The following PDGFD variants were observed in gnomAD, a reference collection of about 807,000 sequenced individuals.
PDGFD encodes platelet-derived growth factor D.
In PDGFD, 30 loss-of-function variants were observed where a neutral mutation model predicts 44.7. That is an observed-to-expected ratio of 0.67 (90% CI 0.50 to 0.91). PDGFD has a LOEUF of 0.91. PDGFD is among the 40% of genes least tolerant of loss of function. The pLI is 0.00. For synonymous variants in PDGFD, 173 were observed against 168.4 expected (o/e 1.03, Z -0.21); for missense variants, 445 against 457.8 (o/e 0.97, Z 0.25).
chr11:104,097,724 T>C (rs756255802), intron 1 of PDGFD, among the ~76,000 whole-genome samples: 1 of 152,224 alleles, frequency 6.6e-6, no homozygotes, highest in Non-Finnish European at 1.5e-5. Flanking sequence ...ATGAAGAAGA[T>C]GCAGCTGTTA....
rs1316090807 is a variant in PDGFD, at chr11:104,009,428, G to GTATTATTAT, written c.125-9174_125-9173insATAATAATA. 5.0e-5 allele frequency among the ~76,000 whole-genome samples: 6 copies of GTATTATTAT among 120,132 alleles called. No homozygotes were observed. In the South Asian group the frequency reaches 1.3e-3, roughly 26 times the overall value. 78.8% of individuals were successfully genotyped at this position (120,132 alleles called of 152,430 possible). Reference sequence around the variant, plus strand: ...AAAATCAGTCCTGTGTCTTGCAAATGCATTATTATTATTATTATTATTATT... The same window carrying GTATTATTAT: ...AAAATCAGTCCTGTGTCTTGCAAATGTATTATTATCATTATTATTATTATTATTATTATT... On this transcript the variant is annotated intron_variant, in intron 1 of 6. Transcript: ENST00000393158.
intron 1 of PDGFD, among the ~76,000 whole-genome samples, chr11:104,054,906 C>T (rs768713872): frequency 9.2e-5 from 14 of 152,094 alleles, no homozygotes; most frequent in Admixed American, 6.5e-4. Context: ...CAGCCTCAGG[C>T]GGAGCAATTA....
Position 103,926,939 on chromosome 11 carries a change from T to C in PDGFD, c.960A>G (p.Ser320=). 6.2e-7 allele frequency: 1 copy of C among 1,614,140 alleles called. No individual in the cohort carries two copies. The highest frequency in any genetic ancestry group is 1.3e-5 in the African/African-American group (1 of 75,066). Residue 320 remains serine (S), a synonymous_variant, in exon 6 of 7, where the codon TCA becomes TCG. Transcript: ENST00000393158. ...TVNWRSCTCN[S]GKTVKKYHEV... is the part of the protein sequence containing the mutation. ...CATGATACTTTTTCACGGTTTTCCC[T>C]GAATTGCATGTGCAGGACCTCCAGT...
At chr11:103,915,929 A>T (rs901530790) in intron 6 of PDGFD, among the ~76,000 whole-genome samples, 2 of 152,254 alleles carry the variant, frequency 1.3e-5, no homozygotes, top group African/African-American at 4.8e-5. Flanking sequence ...TACACCTTAT[A>T]CAAAAGTTAA....
At chr11:104,000,863 T>C (rs1859609752) in intron 1 of PDGFD, among the ~76,000 whole-genome samples, 1 of 152,224 alleles carries the variant, frequency 6.6e-6, no homozygotes, top group African/African-American at 2.4e-5. Context: ...CTCTATGCTG[T>C]TAGCCAGATA....
chr11:103,935,663 T>C (rs1858477666), intron 5 of PDGFD, among the ~76,000 whole-genome samples: 1 of 152,216 alleles, frequency 6.6e-6, no homozygotes, highest in Admixed American at 6.6e-5. Context: ...CTGATGGTTA[T>C]CTTAGAGCCT....
At position 104,125,391 on chromosome 11, in the gene PDGFD, T is replaced by TA. The variant is rs1386442626; in HGVS notation, c.124+38412dup. Among the ~76,000 whole-genome samples the TA allele has an allele frequency of 2.6e-5, 4 of 152,040 alleles. No homozygotes were observed. In the South Asian group the frequency reaches 6.2e-4, roughly 24 times the overall value. ...ATACATATAAAGGGCTTCAAATAAT[T>TA]AAAAAAAGGACTCATGCACCTTTTT... On this transcript the variant is annotated intron_variant, in intron 1 of 6. Coordinates refer to ENST00000393158, the MANE Select transcript of PDGFD (RefSeq NM_025208.5).
At chr11:104,157,601 A>C (rs925386459) in intron 1 of PDGFD, among the ~76,000 whole-genome samples, 1 of 152,190 alleles carries the variant, frequency 6.6e-6, no homozygotes, top group Non-Finnish European at 1.5e-5. Context: ...ACTTGTCCAG[A>C]ATCAAGGCAG....
At chr11:104,032,928 C>A (rs928659503) in intron 1 of PDGFD, among the ~76,000 whole-genome samples, 1 of 151,850 alleles carries the variant, frequency 6.6e-6, no homozygotes, top group African/African-American at 2.4e-5. Flanking sequence ...CAAAGAATTC[C>A]TCAAGAAAAG....
chr11:104,032,205 GAATA>G (rs201214631), intron 1 of PDGFD, among the ~76,000 whole-genome samples: 35 of 151,674 alleles, frequency 2.3e-4, no homozygotes, highest in Admixed American at 2.0e-4. Flanking sequence ...CAAAAATAAT[GAATA>G]AATAAATAAA....
chr11:103,954,609 G>C (rs143802384), intron 3 of PDGFD, among the ~76,000 whole-genome samples: 2 of 152,208 alleles, frequency 1.3e-5, no homozygotes, highest in African/African-American at 4.8e-5. Context: ...AACTTACTAA[G>C]GATGACTTAT....
chr11:103,951,314 C>T (rs1858753122), intron 3 of PDGFD, among the ~76,000 whole-genome samples: 1 of 152,152 alleles, frequency 6.6e-6, no homozygotes, highest in African/African-American at 2.4e-5. Flanking sequence ...GAGGATTCAC[C>T]TGCTAAATCC....
chr11:104,061,695 G>A (rs184594667), intron 1 of PDGFD, among the ~76,000 whole-genome samples: 62 of 152,120 alleles, frequency 4.1e-4, no homozygotes, highest in Admixed American at 6.5e-4. Flanking sequence ...CTGCAACCTC[G>A]GCCTCCTAGG....
chr11:103,969,734 C>A (rs1017175178), intron 3 of PDGFD, among the ~76,000 whole-genome samples: 2 of 151,696 alleles, frequency 1.3e-5, no homozygotes, highest in Admixed American at 6.6e-5. Flanking sequence ...ATTCACTACC[C>A]ATATTTGGCT....
chr11:103,993,192 G>C (rs974099439), intron 3 of PDGFD, among the ~76,000 whole-genome samples: 2 of 152,088 alleles, frequency 1.3e-5, no homozygotes, highest in Admixed American at 6.6e-5. Context: ...TTCAGCCTCT[G>C]GAGTAGGTGA....
chr11:103,938,148 G>T (rs1314226663), intron 5 of PDGFD, among the ~76,000 whole-genome samples: 1 of 151,856 alleles, frequency 6.6e-6, no homozygotes, highest in African/African-American at 2.4e-5. Flanking sequence ...CACAATGGTT[G>T]AACTAGTTCA....
chr11:104,039,695 AG>A (rs1228364855), intron 1 of PDGFD, among the ~76,000 whole-genome samples: 1 of 152,120 alleles, frequency 6.6e-6, no homozygotes, highest in African/African-American at 2.4e-5. Flanking sequence ...TAACAAAAAA[AG>A]ACATTCAGAG....
At chr11:104,062,456 T>C (rs1490281180) in intron 1 of PDGFD, among the ~76,000 whole-genome samples, 1 of 152,372 alleles carries the variant, frequency 6.6e-6, no homozygotes, top group Non-Finnish European at 1.5e-5. Flanking sequence ...TAACTGGTGC[T>C]ATCAATCTGA....
chr11:104,146,560 T>C (rs954513247), intron 1 of PDGFD, among the ~76,000 whole-genome samples: 2 of 152,222 alleles, frequency 1.3e-5, no homozygotes, highest in Admixed American at 6.5e-5. Flanking sequence ...CTAACACTTG[T>C]ATGATGTGGG....
Sources: allele counts gnomAD v4.1 joint callset (sites outside exome capture counted in the v4.1 genomes callset), GRCh38; gene constraint gnomAD v4.1.1; transcripts MANE v1.5; gene names NCBI Gene and HGNC (gene_info 2026-07-23, HGNC 2026-07-21).